Variants in ARGLU1 observed in about 807,000 individuals in gnomAD.
ARGLU1 encodes the protein arginine and glutamate-rich protein 1.
ARGLU1 carries 9 observed loss-of-function variants against 37.6 expected under a neutral mutation model. That is an observed-to-expected ratio of 0.24 (90% CI 0.14 to 0.42). The LOEUF is 0.42. Among genes scored for constraint, ARGLU1 ranks in the 10% least tolerant of loss-of-function variants. The pLI is 1.00. For synonymous variants in ARGLU1, 166 were observed against 138.5 expected, an observed-to-expected ratio of 1.20 and a Z score of -1.39; for missense variants, 211 against 359.2, an observed-to-expected ratio of 0.59 and a Z score of 3.34.
intron 3 of ARGLU1, among the ~76,000 whole-genome samples, chr13:106,545,743 G>A (rs563614892): frequency 2.0e-5 from 3 of 152,184 alleles, no homozygotes; most frequent in African/African-American, 7.2e-5. Flanking sequence ...CTAAAAGATA[G>A]GTGTTGGAAC....
intron 1 of ARGLU1, among the ~76,000 whole-genome samples, 189 bp from the exon 2 acceptor site, chr13:106,559,846 G>A (rs1353366020): frequency 6.6e-6 from 1 of 152,178 alleles, no homozygotes; most frequent in Non-Finnish European, 1.5e-5. Flanking sequence ...AAATTCAAAT[G>A]AGTATAAAAT....
chr13:106,555,709 T>G (rs547644367), intron 3 of ARGLU1, among the ~76,000 whole-genome samples: 16 of 152,306 alleles, frequency 1.1e-4, no homozygotes, highest in African/African-American at 3.8e-4. Context: ...TTATTTTTCA[T>G]GTGGGCAAAT....
chr13:106,551,914 G>A (rs188391047), intron 3 of ARGLU1, among the ~76,000 whole-genome samples: 5 of 152,294 alleles, frequency 3.3e-5, no homozygotes, highest in East Asian at 1.9e-4. Flanking sequence ...AGGCCCACCA[G>A]ATAATCCAGA....
Position 106,559,178 on chromosome 13 carries a change from A to C in ARGLU1, c.573+254T>G, listed in dbSNP as rs764619281. On this transcript the variant is annotated intron_variant, in intron 2 of 3. Coordinates refer to ENST00000400198, the MANE Select transcript of ARGLU1 (RefSeq NM_018011.4). ...TGCAGCCATGGCAAAAGTTTCAAAC[A>C]CTTCTCAAATAGCCAGTTCCATTAA... is the stretch of plus-strand genomic sequence containing the variant. The C allele has an allele frequency of 1.5e-5, 22 of 1,438,288 alleles. 1 individual carries two copies. The South Asian group carries it at 2.7e-4, about 18-fold the overall frequency. 89.1% of individuals were successfully genotyped at this position (1,438,288 alleles called of 1,614,324 possible). A position where few individuals can be genotyped will look rare whatever the true frequency, so the allele number is the denominator to read the frequency against.
chr13:106,541,844 T>C lies in ARGLU1; in HGVS notation c.*2152A>G, dbSNP rs1880266579. On this transcript the variant is annotated 3_prime_UTR_variant, in exon 4 of 4. Transcript: ENST00000400198. ...ATATTTAATAAATTAGGGAACATCT[T>C]AACTTCTAATAGACTGGGGGAAATT... 1 of 152,206 alleles carries C rather than the reference T, an allele frequency of 6.6e-6. No homozygotes were observed. Among genetic ancestry groups the C allele is most frequent in the South Asian group, 2.1e-4 (1 of 4,838 alleles). The allele number at this position is 152,206 out of a possible 1,614,324, so 9.4% of individuals were successfully genotyped here. A position where few individuals can be genotyped will look rare whatever the true frequency, so the allele number is the denominator to read the frequency against.
chr13:106,547,390 C>T (rs1031719274), intron 3 of ARGLU1, among the ~76,000 whole-genome samples: 8 of 151,800 alleles, frequency 5.3e-5, no homozygotes, highest in African/African-American at 1.5e-4. Context: ...TGCACCCATG[C>T]GAAACTGATA....
chr13:106,550,449 G>C (rs2138966465), intron 3 of ARGLU1, among the ~76,000 whole-genome samples: 1 of 152,250 alleles, frequency 6.6e-6, no homozygotes, highest in Non-Finnish European at 1.5e-5. Context: ...CTCGCTCTCT[G>C]AAAATCCTTA....
At position 106,542,503 on chromosome 13, in the gene ARGLU1, T is replaced by C. The variant is rs1047558479; in HGVS notation, c.*1493A>G. ...TTTAAACTGATTTTATATTGTTCCT[T>C]ACCACAATTAGACTCATTGAAGAGC... On this transcript the variant is annotated 3_prime_UTR_variant, in exon 4 of 4. Transcript: ENST00000400198. The C allele has an allele frequency of 1.3e-5, 2 of 152,136 alleles. No homozygotes were observed. The highest frequency in any genetic ancestry group is 4.8e-5 in the African/African-American group (2 of 41,448). 9.4% of individuals were successfully genotyped at this position (152,136 alleles called of 1,614,324 possible).
intron 3 of ARGLU1, among the ~76,000 whole-genome samples, chr13:106,555,685 G>T (rs370268621): frequency 1.3e-5 from 2 of 152,124 alleles, no homozygotes; most frequent in Admixed American, 6.5e-5. Context: ...ATCACACACC[G>T]AAAGTCATAT....
At chr13:106,564,417 G>C (rs1439990095) in intron 1 of ARGLU1, among the ~76,000 whole-genome samples, 2 of 152,174 alleles carry the variant, frequency 1.3e-5, no homozygotes, top group Non-Finnish European at 2.9e-5. Context: ...CAGCAACTCA[G>C]AATTATAAGT....
rs1880699705 is a variant in ARGLU1 at position 106,557,992 on chromosome 13, G to A, written c.574-861C>T. 18 of 985,196 alleles carry A rather than the reference G, an allele frequency of 1.8e-5. No homozygotes were observed. Among genetic ancestry groups the A allele is most frequent in the Non-Finnish European group, 1.9e-5 (16 of 829,904 alleles). 61.0% of individuals were successfully genotyped at this position (985,196 alleles called of 1,614,324 possible). On this transcript the variant is annotated intron_variant, in intron 2 of 3. Coordinates refer to ENST00000400198, the MANE Select transcript of ARGLU1 (RefSeq NM_018011.4). The surrounding 1 kb of genome is among the most constrained non-coding windows in gnomAD (Gnocchi z 5.0). ...ATTCTTCAACTTATTTTTTCTTGGA[G>A]AATTTAATGAGATTTTATAATGCAA...
At chr13:106,558,438 T>C in intron 2 of ARGLU1, 2 of 985,456 alleles carry the variant, frequency 2.0e-6, no homozygotes, top group Non-Finnish European at 2.4e-6. Context: ...TGAGTCTTAA[T>C]TATTTTGAGT....
chr13:106,546,594 A>G (rs1880396659), intron 3 of ARGLU1, among the ~76,000 whole-genome samples: 1 of 152,208 alleles, frequency 6.6e-6, no homozygotes, highest in African/African-American at 2.4e-5. Context: ...TTAATAAATC[A>G]TCACAAATTT....
In ARGLU1 at chr13:106,567,540, C is replaced by T; in HGVS notation, c.347+33G>A. ...CCCTCGCCCCGCGCCCTGCTCTCCG[C>T]ACGCCCCGGTCCCTCCCCGCGCGGG... is the stretch of plus-strand genomic sequence containing the variant. On this transcript the variant is annotated intron_variant, in intron 1 of 3. Transcript: ENST00000400198. The surrounding 1 kb of genome is among the most constrained non-coding windows in gnomAD (Gnocchi z 4.3). 6.7e-7 allele frequency: 1 copy of T among 1,496,186 alleles called. No individual in the cohort carries two copies. The highest frequency in any genetic ancestry group is 1.4e-5 in the African/African-American group (1 of 72,098). The allele number at this position is 1,496,186 out of a possible 1,614,324, so 92.7% of individuals were successfully genotyped here. A position where few individuals can be genotyped will look rare whatever the true frequency, so the allele number is the denominator to read the frequency against.
At chr13:106,563,608 A>G (rs537460777) in intron 1 of ARGLU1, among the ~76,000 whole-genome samples, 1 of 152,352 alleles carries the variant, frequency 6.6e-6, no homozygotes, top group East Asian at 1.9e-4. Flanking sequence ...GTTCAAGATC[A>G]GCCTGGGAAA....
intron 3 of ARGLU1, among the ~76,000 whole-genome samples, chr13:106,554,273 T>G (rs567899294): frequency 2.0e-5 from 3 of 152,256 alleles, no homozygotes; most frequent in Non-Finnish European, 2.9e-5. Flanking sequence ...TCAATATAGA[T>G]TTTAGCAAAC....
intron 3 of ARGLU1, among the ~76,000 whole-genome samples, chr13:106,547,998 C>T (rs1880436824): frequency 6.6e-6 from 1 of 152,178 alleles, no homozygotes; most frequent in Non-Finnish European, 1.5e-5. Context: ...GTATGTACAG[C>T]AGAGTTGATT....
chr13:106,556,513 A>AT (rs1880664719), intron 3 of ARGLU1, among the ~76,000 whole-genome samples: 2 of 151,768 alleles, frequency 1.3e-5, no homozygotes, highest in Admixed American at 1.3e-4. Context: ...AAATTTCTTT[A>AT]TACCATGTAA....
intron 3 of ARGLU1, among the ~76,000 whole-genome samples, chr13:106,552,835 T>C (rs1880564817): frequency 1.3e-5 from 2 of 152,256 alleles, no homozygotes; most frequent in South Asian, 4.1e-4. Context: ...TGGATGCTTT[T>C]ACTTTGTAAA....
Sources: gnomAD v4.1 joint callset for allele counts (sites outside exome capture counted in the v4.1 genomes callset) on GRCh38, gnomAD v4.1.1 for gene constraint, Gnocchi (gnomAD v3.1) non-coding constraint, MANE v1.5 for transcripts, NCBI Gene and HGNC (gene_info 2026-07-23, HGNC 2026-07-21) for gene names.